NUAK1: variants seen among roughly 807,000 people sequenced by gnomAD.
NUAK1 encodes NUAK family SNF1-like kinase 1.
NUAK1 carries 26 observed loss-of-function variants against 56.9 expected under a neutral mutation model. That is an observed-to-expected ratio of 0.46 (90% CI 0.33 to 0.63). NUAK1 has a LOEUF of 0.63. Among genes scored for constraint, NUAK1 ranks in the 30% least tolerant of loss-of-function variants. The probability of loss-of-function intolerance (pLI) is 0.02; values close to 1 mark genes in which losing one functional copy is unlikely to be tolerated. For synonymous variants in NUAK1, 337 were observed against 336.0 expected (o/e 1.00, Z -0.03); for missense variants, 727 against 876.1 (o/e 0.83, Z 2.15).
In NUAK1 at chr12:106,067,770, C is replaced by T; in HGVS notation, c.1018G>A (p.Gly340Arg). ...TTGGCTTCGGTGTCAGCCTGCAGCC[C>T]TGTGGAACGGTGGTGCCAGTCAATG... ...RIIDWHHRST[G>R]LQADTEAKMK... is the part of the protein sequence containing the mutation. Residue 340 changes from glycine to arginine, a missense_variant, in exon 7 of 7, where the codon GGG (glycine) becomes AGG (arginine). Coordinates refer to ENST00000261402, the MANE Select transcript of NUAK1 (RefSeq NM_014840.3). This position sits in a 1 kb window ranked among gnomAD's most constrained non-coding sequence, Gnocchi z 6.0. The T allele has an allele frequency of 6.2e-7, 1 of 1,614,220 alleles. No individual in the cohort carries two copies. Among genetic ancestry groups the T allele is most frequent in the Non-Finnish European group, 8.5e-7 (1 of 1,180,034 alleles).
At chr12:106,069,096 T>C (rs556387114) in intron 6 of NUAK1, among the ~76,000 whole-genome samples, 4 of 152,314 alleles carry the variant, frequency 2.6e-5, no homozygotes, top group South Asian at 4.1e-4. Flanking sequence ...TGCATATCTA[T>C]ATATACACAT....
intron 1 of NUAK1, among the ~76,000 whole-genome samples, 159 bp from the exon 2 acceptor site, chr12:106,106,684 C>G (rs964970227): frequency 6.6e-6 from 1 of 152,180 alleles, no homozygotes; most frequent in Non-Finnish European, 1.5e-5. Context: ...CTTTCATACA[C>G]AGCAAAAACA....
intron 5 of NUAK1, among the ~76,000 whole-genome samples, chr12:106,072,444 T>A (rs1212541035): frequency 2.0e-5 from 3 of 152,220 alleles, no homozygotes; most frequent in African/African-American, 7.2e-5. Flanking sequence ...AATGCAGAGA[T>A]CTACATTGGG....
At position 106,111,987 on chromosome 12, in the gene NUAK1, AG is replaced by A. The variant is rs537864759; in HGVS notation, c.241-5463del. On this transcript the variant is annotated intron_variant, in intron 1 of 6. Transcript: ENST00000261402. ...GGCTATGAATAAAGTTGGGATGAAT[AG>A]AAAACATCACAGGGAACAGAATCTC... 5.1e-3 allele frequency among the ~76,000 whole-genome samples: 765 copies of A among 151,102 alleles called. 6 individuals carry two copies. The highest frequency in any genetic ancestry group is 8.2e-3 in the Non-Finnish European group (554 of 67,854).
intron 4 of NUAK1, among the ~76,000 whole-genome samples, chr12:106,074,892 C>T (rs1222591488): frequency 6.6e-6 from 1 of 152,110 alleles, no homozygotes; most frequent in African/African-American, 2.4e-5. Flanking sequence ...TATCAAGGCC[C>T]CTGACTTGCT....
intron 1 of NUAK1, among the ~76,000 whole-genome samples, chr12:106,136,569 GGTTC>G (rs2033131584): frequency 6.6e-6 from 1 of 152,134 alleles, no homozygotes; most frequent in Non-Finnish European, 1.5e-5. Context: ...ATAAGACAAG[GGTTC>G]GTTCGTTAGA....
At chr12:106,120,774 G>C (rs902649163) in intron 1 of NUAK1, among the ~76,000 whole-genome samples, 18 of 152,196 alleles carry the variant, frequency 1.2e-4, no homozygotes, top group Non-Finnish European at 2.6e-4. Context: ...TCTCGGCCCA[G>C]GTCCAGTGCA....
intron 1 of NUAK1, among the ~76,000 whole-genome samples, chr12:106,110,019 A>T (rs1165917186): frequency 6.6e-6 from 1 of 152,188 alleles, no homozygotes. Context: ...GGACAAGAGC[A>T]TCTCCATCCT....
intron 1 of NUAK1, among the ~76,000 whole-genome samples, chr12:106,111,104 G>A (rs1273689915): frequency 1.3e-5 from 2 of 152,082 alleles, no homozygotes; most frequent in East Asian, 3.9e-4. Context: ...AACTTCCCAG[G>A]TCTCGGTTTC....
rs568713265 is a variant in NUAK1, at chr12:106,066,898, G to T, written c.1890C>A (p.Asn630Lys). The T allele has an allele frequency of 6.2e-7, 1 of 1,614,244 alleles. No individual in the cohort carries two copies. Among genetic ancestry groups the T allele is most frequent in the Non-Finnish European group, 8.5e-7 (1 of 1,180,040 alleles). ...PRPQYLKRYR[N>K]RLADSSFSLL... ...GGGAGAAGCTGCTGTCTGCCAGCCG[G>T]TTCCGGTACCGCTTCAGGTACTGGG... Residue 630 changes from asparagine (N) to lysine (K), a missense_variant, in exon 7 of 7, where the codon AAC (asparagine) becomes AAA (lysine). Coordinates refer to ENST00000261402, the MANE Select transcript of NUAK1 (RefSeq NM_014840.3).
rs142953697 is a variant in NUAK1, at chr12:106,075,035, A to G, written c.580-2192T>C. ...GGGCACCATATGAGCTTCCAAATAC[A>G]CGTGCGTGTGAGAGGCACCCGCTGC... is the stretch of plus-strand genomic sequence containing the variant. On this transcript the variant is annotated intron_variant, in intron 4 of 6. Transcript: ENST00000261402. Among the ~76,000 whole-genome samples the G allele has an allele frequency of 3.2e-4, 48 of 152,214 alleles. No individual in the cohort carries two copies. The East Asian group carries it at 8.5e-3, about 27-fold the overall frequency.
intron 1 of NUAK1, among the ~76,000 whole-genome samples, chr12:106,115,102 G>C (rs1437522142): frequency 6.6e-6 from 1 of 152,138 alleles, no homozygotes; most frequent in Non-Finnish European, 1.5e-5. Context: ...GCTATTAAAT[G>C]ATAACTTCAG....
chr12:106,135,435 A>T (rs1398149664), intron 1 of NUAK1, among the ~76,000 whole-genome samples: 1 of 152,244 alleles, frequency 6.6e-6, no homozygotes. Flanking sequence ...CACATAGAAA[A>T]TGATGCTGTG....
rs749967228 is a variant in NUAK1, at chr12:106,067,859, T to C, written c.929A>G (p.Tyr310Cys). The C allele has an allele frequency of 6.2e-7, 1 of 1,614,194 alleles. No homozygotes were observed. Among genetic ancestry groups the C allele is most frequent in the Admixed American group, 1.7e-5 (1 of 60,032 alleles). ...ATCACAGTCACACACGCTGCTCTTATAGCCCCAGTTCACCCACCAGTGGTT... is the reference window on the plus strand; with the variant it reads ...ATCACAGTCACACACGCTGCTCTTACAGCCCCAGTTCACCCACCAGTGGTT... ...IANHWWVNWG[Y>C]KSSVCDCDAL... Residue 310 changes from tyrosine to cysteine, a missense_variant, in exon 7 of 7, where the codon TAT (tyrosine) becomes TGT (cysteine). By Grantham distance (194) the Tyr-to-Cys change is radical. Coordinates refer to ENST00000261402, the MANE Select transcript of NUAK1 (RefSeq NM_014840.3). This position sits in a 1 kb window ranked among gnomAD's most constrained non-coding sequence, Gnocchi z 6.0.
chr12:106,096,301 CAGCCTCT>C (rs997938612), intron 2 of NUAK1, among the ~76,000 whole-genome samples: 8 of 152,228 alleles, frequency 5.3e-5, no homozygotes, highest in African/African-American at 1.9e-4. Flanking sequence ...TTCTGATCTC[CAGCCTCT>C]AGAAAAATGA....
At chr12:106,072,952 G>T in intron 4 of NUAK1, 109 bp from the exon 5 acceptor site, 1 of 1,297,828 alleles carries the variant, frequency 7.7e-7, no homozygotes, top group Non-Finnish European at 1.1e-6. Flanking sequence ...GCACCTGGGT[G>T]GGTCTGCTGG....
At chr12:106,080,549 G>A (rs1302653345) in intron 4 of NUAK1, among the ~76,000 whole-genome samples, 3 of 152,206 alleles carry the variant, frequency 2.0e-5, no homozygotes, top group Non-Finnish European at 4.4e-5. Context: ...CTGACCGACT[G>A]TGTGAATATT....
At chr12:106,108,277 A>C (rs1474775379) in intron 1 of NUAK1, among the ~76,000 whole-genome samples, 4 of 152,242 alleles carry the variant, frequency 2.6e-5, no homozygotes, top group Non-Finnish European at 5.9e-5. Context: ...CAGGCAATAG[A>C]GGAATAGCTA....
At chr12:106,091,490 G>A (rs11829432) in intron 2 of NUAK1, among the ~76,000 whole-genome samples, 5,570 of 152,288 alleles carry the variant, frequency 0.037, 348 homozygotes, top group African/African-American at 0.13. Flanking sequence ...AGGAAAGGCA[G>A]GCCAGGTAGA....
Sources: gnomAD v4.1 joint callset for allele counts (sites outside exome capture counted in the v4.1 genomes callset) on GRCh38, gnomAD v4.1.1 for gene constraint, Gnocchi (gnomAD v3.1) non-coding constraint, MANE v1.5 for transcripts, NCBI Gene and HGNC (gene_info 2026-07-23, HGNC 2026-07-21) for gene names.